UTY: variants seen among roughly 807,000 people sequenced by gnomAD.
The protein encoded by UTY is histone demethylase UTY.
UTY carries 12 observed loss-of-function variants against 32.5 expected under a neutral mutation model. The ratio of observed to expected loss-of-function variants is 0.37; its 90% CI spans 0.24 to 0.60. The LOEUF is 0.60. Among genes scored for constraint, UTY ranks in the 20% least tolerant of loss-of-function variants. The pLI, the probability that UTY is intolerant of heterozygous loss-of-function variation, is 0.69. For missense variants in UTY, 303 were observed against 299.2 expected (o/e 1.01, Z -0.09); for synonymous variants, 131 against 103.4 (o/e 1.27, Z -1.62).
intron 21 of UTY, chrY:13,323,163 G>A: frequency 8.2e-6 from 1 of 121,348 alleles, no homozygotes; most frequent in Non-Finnish European, 1.1e-5. Flanking sequence ...TTGGGATGCT[G>A]AGGCAAGCAG....
intron 25 of UTY, among the ~76,000 whole-genome samples, chrY:13,299,593 A>T (rs2058266768): frequency 3.0e-5 from 1 of 32,803 alleles, no homozygotes; most frequent in Non-Finnish European, 7.5e-5. Flanking sequence ...CAACAGAGAG[A>T]GACTCTACCA....
intron 27 of UTY, among the ~76,000 whole-genome samples, chrY:13,278,594 G>A (rs777835849): frequency 5.9e-5 from 2 of 33,647 alleles, no homozygotes; most frequent in East Asian, 7.9e-4. Context: ...CGTGAACTTC[G>A]GTGGAGCCAG....
At chrY:13,409,837 T>C (rs2070644518) in intron 6 of UTY, among the ~76,000 whole-genome samples, 1 of 33,467 alleles carries the variant, frequency 3.0e-5, no homozygotes, top group African/African-American at 1.2e-4. Flanking sequence ...AAAGCAACAG[T>C]CACTGAGTTC....
chrY:13,354,919 T>C, intron 17 of UTY, 84 bp downstream of exon 17: 1 of 367,609 alleles, frequency 2.7e-6, no homozygotes, highest in Non-Finnish European at 3.8e-6. Context: ...ATTCTTTAAA[T>C]TTCTATCTTT....
At chrY:13,422,280 A>T (rs562457990) in intron 4 of UTY, among the ~76,000 whole-genome samples, 7 of 33,603 alleles carry the variant, frequency 2.1e-4, no homozygotes, top group African/African-American at 8.1e-4. Flanking sequence ...ATTTTCAAAC[A>T]TCCACTGAGA....
At chrY:13,453,943 C>T (rs762797978) in intron 3 of UTY, among the ~76,000 whole-genome samples, 1 of 31,882 alleles carries the variant, frequency 3.1e-5, no homozygotes, top group South Asian at 7.0e-4. Context: ...AATTGAACGC[C>T]GGGTGCAGTG....
chrY:13,361,908 G>A, intron 10 of UTY, among the ~76,000 whole-genome samples: 1 of 33,057 alleles, frequency 3.0e-5, no homozygotes, highest in Non-Finnish European at 7.5e-5. Context: ...GAGATATTTA[G>A]AGGATGCATA....
chrY:13,389,867 T>C, intron 8 of UTY, among the ~76,000 whole-genome samples: 1 of 33,845 alleles, frequency 3.0e-5, no homozygotes, highest in African/African-American at 1.1e-4. Context: ...GCAAATGCCA[T>C]TGGAATTGTG....
At chrY:13,244,368 T>A (rs1022764320), downstream of UTY, among the ~76,000 whole-genome samples, 3 of 32,922 alleles carry the variant, frequency 9.1e-5, no homozygotes, top group African/African-American at 2.4e-4. Context: ...TTAATAACAA[T>A]GTATATTTCA....
intron 10 of UTY, 119 bp downstream of exon 10, chrY:13,366,148 C>T: frequency 4.2e-6 from 1 of 236,090 alleles, no homozygotes; most frequent in Non-Finnish European, 6.0e-6. Flanking sequence ...AGGCGTGAGC[C>T]ACCCCGCCCA....
chrY:13,449,155 C>A, intron 3 of UTY, 89 bp from the exon 4 acceptor site: 2 of 167,301 alleles, frequency 1.2e-5, no homozygotes, highest in Non-Finnish European at 1.0e-5. Flanking sequence ...ATATAAGCTG[C>A]CAAACATGCC....
intron 17 of UTY, among the ~76,000 whole-genome samples, chrY:13,344,212 A>G: frequency 2.9e-5 from 1 of 33,963 alleles, no homozygotes; most frequent in East Asian, 7.8e-4. Flanking sequence ...GGTTGGTGAA[A>G]GTTCTCAGAT....
chrY:13,373,667 A>C, intron 8 of UTY, among the ~76,000 whole-genome samples: 1 of 33,195 alleles, frequency 3.0e-5, no homozygotes, highest in Admixed American at 2.7e-4. Context: ...AAAATAGTAA[A>C]TGTCAAGGGA....
Position 13,248,690 on chromosome Y carries a change from A to C in UTY, c.*1166T>G. The C allele has an allele frequency of 2.6e-5, 1 of 38,391 alleles. No individual in the cohort carries two copies. Among genetic ancestry groups the C allele is most frequent in the African/African-American group, 1.1e-4 (1 of 8,772 alleles). 9.6% of individuals were successfully genotyped at this position (38,391 alleles called of 400,897 possible). On this transcript the variant is annotated 3_prime_UTR_variant, in exon 30 of 30. Coordinates refer to ENST00000545955, the MANE Select transcript of UTY (RefSeq NM_001258249.2). ...AAATCTATATAATGTTTCCTTTAAA[A>C]TATTTACTTCACTGACTATATGTTT...
Position 13,251,035 on chromosome Y carries a change from A to T in UTY, c.4290T>A (p.Val1430=). ...GACTTACTAGTGTAAATTGATCATA[A>T]ACTTGGATTAGGTCCTCCATTTTGT... ...EQYKMEDLIQ[V]YDQFTLALSL... The change falls in exon 29 of 30, where the codon GTT becomes GTA. Residue 1430 remains valine (V), a synonymous_variant. Transcript: ENST00000545955. 1 of 398,488 alleles carries T rather than the reference A, an allele frequency of 2.5e-6. No individual in the cohort carries two copies. Among genetic ancestry groups the T allele is most frequent in the Non-Finnish European group, 3.5e-6 (1 of 283,352 alleles).
At chrY:13,387,344 T>C (rs2066978381) in intron 8 of UTY, among the ~76,000 whole-genome samples, 1 of 33,662 alleles carries the variant, frequency 3.0e-5, no homozygotes, top group African/African-American at 1.2e-4. Flanking sequence ...GTAATAAATA[T>C]AGTTAGAGGC....
At chrY:13,275,413 C>T (rs2056611274) in intron 27 of UTY, among the ~76,000 whole-genome samples, 2 of 33,600 alleles carry the variant, frequency 6.0e-5, no homozygotes, top group African/African-American at 2.3e-4. Flanking sequence ...AGTACTCTAG[C>T]CTATATTTCA....
chrY:13,260,467 A>G, intron 27 of UTY, 63 bp from the exon 28 acceptor site: 1 of 290,525 alleles, frequency 3.4e-6, no homozygotes, highest in Non-Finnish European at 4.8e-6. Context: ...AAGGTATACC[A>G]ATTAGAAATA....
At chrY:13,467,633 G>T in intron 3 of UTY, among the ~76,000 whole-genome samples, 1 of 31,967 alleles carries the variant, frequency 3.1e-5, no homozygotes, top group African/African-American at 1.2e-4. Flanking sequence ...GCTGGGAGTG[G>T]TGGCAGGCGC....
Sources: gnomAD v4.1 joint callset for allele counts (sites outside exome capture counted in the v4.1 genomes callset) on GRCh38, gnomAD v4.1.1 for gene constraint, MANE v1.5 for transcripts, NCBI Gene and HGNC (gene_info 2026-07-23, HGNC 2026-07-21) for gene names.